Variants in LMNTD1 observed in about 807,000 individuals in gnomAD.
LMNTD1 encodes the protein lamin tail domain containing 1, also known as lamin tail domain-containing protein 1.
Under a neutral mutation model 50.9 loss-of-function variants are expected in LMNTD1, and 35 were observed. The ratio of observed to expected loss-of-function variants is 0.69; its 90% CI spans 0.53 to 0.91. The LOEUF is 0.91. Ranked by LOEUF, LMNTD1 falls within the 40% of genes least tolerant of loss-of-function variation. LMNTD1 has a pLI of 0.00. For synonymous variants in LMNTD1, 153 were observed against 161.9 expected (o/e 0.94, Z 0.42); for missense variants, 470 against 475.5 (o/e 0.99, Z 0.11).
At chr12:25,633,040 A>G (rs992689718) in intron 1 of LMNTD1, among the ~76,000 whole-genome samples, 1 of 124,074 alleles carries the variant, frequency 8.1e-6, no homozygotes, top group East Asian at 2.1e-4. Flanking sequence ...CAGAAAAAAA[A>G]AAACAAACTT....
intron 1 of LMNTD1, among the ~76,000 whole-genome samples, chr12:25,626,538 A>C (rs948321582): frequency 6.6e-6 from 1 of 152,214 alleles, no homozygotes; most frequent in Non-Finnish European, 1.5e-5. Flanking sequence ...AACTGAATTC[A>C]GTATAATTTG....
chr12:25,510,224 A>G (rs768006716), intron 8 of LMNTD1, among the ~76,000 whole-genome samples: 1 of 148,666 alleles, frequency 6.7e-6, no homozygotes, highest in Non-Finnish European at 1.5e-5. Flanking sequence ...TGGATTTGCC[A>G]TTAATGAATC....
intron 1 of LMNTD1, among the ~76,000 whole-genome samples, chr12:25,611,637 A>G (rs1233841588): frequency 6.6e-6 from 1 of 152,252 alleles, no homozygotes. Context: ...CTTCCAAAAT[A>G]TGATTGAGAA....
intron 9 of LMNTD1, among the ~76,000 whole-genome samples, chr12:25,477,374 A>G (rs2340439): frequency 6.7e-6 from 1 of 148,564 alleles, no homozygotes; most frequent in Non-Finnish European, 1.5e-5. Flanking sequence ...TCAATAGAAC[A>G]TTGTTCTAGT....
intron 1 of LMNTD1, among the ~76,000 whole-genome samples, chr12:25,619,214 T>C (rs961543258): frequency 1.6e-5 from 2 of 125,920 alleles, no homozygotes; most frequent in Non-Finnish European, 3.2e-5. Flanking sequence ...TACATGCTTT[T>C]CAACTCTCTC....
At chr12:25,529,889 C>G (rs1942100860) in intron 4 of LMNTD1, among the ~76,000 whole-genome samples, 2 of 152,088 alleles carry the variant, frequency 1.3e-5, no homozygotes, top group African/African-American at 4.8e-5. Flanking sequence ...CTACCTTATG[C>G]TGAAACTGCA....
intron 1 of LMNTD1, among the ~76,000 whole-genome samples, chr12:25,562,982 T>C (rs1456495640): frequency 2.6e-5 from 4 of 152,240 alleles, no homozygotes; most frequent in Non-Finnish European, 5.9e-5. Flanking sequence ...GGTTTTCAGC[T>C]CCATCAGGTC....
chr12:25,548,877 C>T (rs1420841678), intron 3 of LMNTD1, among the ~76,000 whole-genome samples: 1 of 151,974 alleles, frequency 6.6e-6, no homozygotes, highest in Non-Finnish European at 1.5e-5. Flanking sequence ...TTTATACCTA[C>T]TTTATGTTAC....
chr12:25,524,465 T>C (rs906003459), intron 6 of LMNTD1, among the ~76,000 whole-genome samples: 7 of 152,208 alleles, frequency 4.6e-5, no homozygotes, highest in Non-Finnish European at 8.8e-5. Context: ...TTAAAATCAC[T>C]GGGTAAAAGG....
At chr12:25,595,558 A>G (rs1419051511) in intron 1 of LMNTD1, among the ~76,000 whole-genome samples, 1 of 152,162 alleles carries the variant, frequency 6.6e-6, no homozygotes, top group African/African-American at 2.4e-5. Flanking sequence ...ACCTATCAAA[A>G]TCTCTGGGAT....
In LMNTD1 at chr12:25,520,050, T is replaced by C; in HGVS notation, c.824A>G (p.His275Arg). 1 of 1,612,140 alleles carries C rather than the reference T, an allele frequency of 6.2e-7. No individual in the cohort carries two copies. Among genetic ancestry groups the C allele is most frequent in the Non-Finnish European group, 8.5e-7 (1 of 1,179,234 alleles). Residue 275 changes from histidine to arginine, a missense_variant, in exon 7 of 10, where the codon CAC (histidine) becomes CGC (arginine). Physicochemically the swap from His to Arg is conservative, Grantham distance 29. Transcript: ENST00000458174. Reference protein sequence around the residue: ...GQAIAWYTPIHWKQAWEKLDA... With the variant: ...GQAIAWYTPIRWKQAWEKLDA... The stretch of plus-strand genomic sequence containing the variant: ...TAATTTTTCCCACGCTTGCTTCCAG[T>C]GGATAGGGGTGTACCACGCAATGGC...
intron 1 of LMNTD1, among the ~76,000 whole-genome samples, chr12:25,590,616 A>C (rs1247038570): frequency 6.6e-6 from 1 of 152,194 alleles, no homozygotes; most frequent in African/African-American, 2.4e-5. Flanking sequence ...CCCAGGCTGC[A>C]TAGCTTGTGG....
rs1938257664 is a variant in LMNTD1 at position 25,476,132 on chromosome 12, G to C, written c.*351C>G. The C allele has an allele frequency of 6.6e-6, 1 of 152,170 alleles. No individual in the cohort carries two copies. The highest frequency in any genetic ancestry group is 6.5e-5 in the Admixed American group (1 of 15,278). 9.4% of individuals were successfully genotyped at this position (152,170 alleles called of 1,614,324 possible). On this transcript the variant is annotated 3_prime_UTR_variant, in exon 10 of 10. Transcript: ENST00000458174. ...ATGTAAAATGGTTAAACAATTGCAC[G>C]TGCTCTTCTTTTGTGAGTTCTGTAC...
intron 1 of LMNTD1, among the ~76,000 whole-genome samples, chr12:25,618,659 AG>A (rs1946398102): frequency 6.6e-6 from 1 of 152,218 alleles, no homozygotes; most frequent in Admixed American, 6.5e-5. Context: ...GGAGAAGCCA[AG>A]GTTGAACAGA....
intron 9 of LMNTD1, among the ~76,000 whole-genome samples, chr12:25,478,902 A>T (rs1425749976): frequency 6.6e-6 from 1 of 151,022 alleles, no homozygotes; most frequent in African/African-American, 2.4e-5. Flanking sequence ...TGGTGGAATG[A>T]CCCAAACTTT....
intron 4 of LMNTD1, among the ~76,000 whole-genome samples, chr12:25,535,115 A>C (rs1022124771): frequency 3.9e-5 from 6 of 152,320 alleles, no homozygotes; most frequent in African/African-American, 1.2e-4. Context: ...AAAAGGAAAA[A>C]TCCTTATAAC....
At chr12:25,610,932 G>A (rs1946227073) in intron 1 of LMNTD1, among the ~76,000 whole-genome samples, 1 of 152,194 alleles carries the variant, frequency 6.6e-6, no homozygotes, top group Admixed American at 6.5e-5. Flanking sequence ...GAAGCCACTT[G>A]TCTTCAACAG....
At chr12:25,613,299 A>C (rs1350113118) in intron 1 of LMNTD1, among the ~76,000 whole-genome samples, 5 of 152,218 alleles carry the variant, frequency 3.3e-5, no homozygotes, top group Non-Finnish European at 5.9e-5. Flanking sequence ...TGGTTCTGAC[A>C]TGACGGGTAG....
At chr12:25,579,016 T>C (rs1006020921) in intron 1 of LMNTD1, among the ~76,000 whole-genome samples, 4 of 152,192 alleles carry the variant, frequency 2.6e-5, no homozygotes, top group African/African-American at 7.2e-5. Flanking sequence ...TGGAAAAAGA[T>C]AGCATTACGC....
Sources: gnomAD v4.1 joint callset for allele counts (sites outside exome capture counted in the v4.1 genomes callset) on GRCh38, gnomAD v4.1.1 for gene constraint, MANE v1.5 for transcripts, NCBI Gene and HGNC (gene_info 2026-07-23, HGNC 2026-07-21) for gene names.